Variants in HMOX2 observed in about 807,000 individuals in gnomAD.
The protein encoded by HMOX2 is heme oxygenase 2.
A neutral mutation model predicts 33.7 loss-of-function variants in HMOX2; 30 were observed. The ratio of observed to expected loss-of-function variants is 0.89; its 90% CI spans 0.67 to 1.21. The LOEUF is 1.21. HMOX2 is among the 50% of genes most tolerant of loss of function. The pLI is 0.00. For missense variants in HMOX2, 403 were observed against 399.1 expected (o/e 1.01, Z -0.08); for synonymous variants, 155 against 155.0 (o/e 1.00, Z 0.00).
Position 4,505,571 on chromosome 16 carries a change from AAAAG to A in HMOX2, c.50_53del (p.Lys17ThrfsTer5). 6.2e-7 allele frequency: 1 copy of A among 1,605,296 alleles called. No homozygotes were observed. The highest frequency in any genetic ancestry group is 8.5e-7 in the Non-Finnish European group (1 of 1,175,390). ...TCAGAGGGGGTAGACGAGTCAGAAA[AAAAG>A]AACTCTGGGGCCCTAGAAAAGGAGA... On this transcript the variant is annotated frameshift_variant, in exon 2 of 6. Transcript: ENST00000570646. LOFTEE classifies it high-confidence loss of function.
chr16:4,484,045 G>C (rs1056813739), intron 1 of HMOX2, among the ~76,000 whole-genome samples: 1 of 148,858 alleles, frequency 6.7e-6, no homozygotes. Context: ...TGCGATCTCG[G>C]CTCACTGCAG....
At chr16:4,505,200 T>C (rs1248478253) in intron 1 of HMOX2, among the ~76,000 whole-genome samples, 1 of 152,214 alleles carries the variant, frequency 6.6e-6, no homozygotes, top group Admixed American at 6.5e-5. Flanking sequence ...GTGTATTTCT[T>C]AGGAACAAAG....
At chr16:4,495,379 A>C (rs2141571944) in intron 1 of HMOX2, 1 of 152,306 alleles carries the variant, frequency 6.6e-6, no homozygotes, top group East Asian at 1.9e-4. Context: ...GTTCTGTCCC[A>C]CCATAGGCAC....
intron 1 of HMOX2, among the ~76,000 whole-genome samples, chr16:4,489,451 GTTTTA>G (rs1467405234): frequency 2.6e-5 from 4 of 151,922 alleles, no homozygotes; most frequent in Non-Finnish European, 5.9e-5. Context: ...CATCCAGCTA[GTTTTA>G]TTTTATTTTT....
intron 1 of HMOX2, among the ~76,000 whole-genome samples, chr16:4,497,639 G>T (rs1468250115): frequency 6.6e-6 from 1 of 152,156 alleles, no homozygotes; most frequent in Admixed American, 6.5e-5. Flanking sequence ...CTTGGTGTCT[G>T]TCTTCACTGC....
intron 1 of HMOX2, among the ~76,000 whole-genome samples, chr16:4,492,986 T>C (rs550608310): frequency 6.6e-6 from 1 of 152,094 alleles, no homozygotes; most frequent in African/African-American, 2.4e-5. Flanking sequence ...AAAGGAAATA[T>C]TAGGGGACAT....
At position 4,486,989 on chromosome 16, in the gene HMOX2, G is replaced by T. The variant is rs540793728; in HGVS notation, c.-42+10502G>T. ...GAAAAAGGGCTTGAGGCTGGGCGTG[G>T]TGGCCCACGCCTGTAATCCCAGTAC... On this transcript the variant is annotated intron_variant, in intron 1 of 5. Coordinates refer to ENST00000570646, the MANE Select transcript of HMOX2 (RefSeq NM_002134.4). Among the ~76,000 whole-genome samples, 10 of 152,320 alleles carry T rather than the reference G, an allele frequency of 6.6e-5. No individual in the cohort carries two copies. In the East Asian group the frequency reaches 1.7e-3, roughly 26 times the overall value.
intron 1 of HMOX2, chr16:4,496,379 C>T (rs567063222): frequency 6.6e-6 from 1 of 152,128 alleles, no homozygotes; most frequent in Non-Finnish European, 1.5e-5. Flanking sequence ...CCGCCTCGGC[C>T]TCCCAAAGAG....
At chr16:4,509,269 G>GT in intron 4 of HMOX2, 143 bp from the exon 5 acceptor site, 1 of 1,054,256 alleles carries the variant, frequency 9.5e-7, no homozygotes, top group Non-Finnish European at 1.4e-6. Context: ...GAGCCTAGGA[G>GT]TTTGAGGCTG....
intron 1 of HMOX2, among the ~76,000 whole-genome samples, chr16:4,494,511 T>C (rs1486091060): frequency 6.6e-6 from 1 of 152,070 alleles, no homozygotes; most frequent in Non-Finnish European, 1.5e-5. Context: ...TTTCTGCTCT[T>C]TAAGTGTGGT....
At chr16:4,502,649 G>C (rs898365227) in intron 1 of HMOX2, 1 of 152,226 alleles carries the variant, frequency 6.6e-6, no homozygotes, top group African/African-American at 2.4e-5. Context: ...GAACTGAGCA[G>C]CCAGAGACAA....
intron 4 of HMOX2, 66 bp downstream of exon 4, chr16:4,508,270 T>C (rs761521776): frequency 2.6e-5 from 39 of 1,510,932 alleles, no homozygotes; most frequent in Admixed American, 1.2e-4. Context: ...AGCAGATCCA[T>C]AGTGGCCCAT....
chr16:4,492,538 T>C (rs564982569), intron 1 of HMOX2, among the ~76,000 whole-genome samples: 2 of 150,968 alleles, frequency 1.3e-5, no homozygotes, highest in Admixed American at 1.3e-4. Context: ...GCGAACATGC[T>C]GAAACCCCAT....
chr16:4,505,797 T>TCTCTCCC (rs1353982353), intron 2 of HMOX2, among the ~76,000 whole-genome samples, 187 bp downstream of exon 2: 1 of 152,212 alleles, frequency 6.6e-6, no homozygotes, highest in Non-Finnish European at 1.5e-5. Flanking sequence ...TCCCCACTGG[T>TCTCTCCC]CCATTGTCTC....
In HMOX2 at chr16:4,509,769, G is replaced by A; in HGVS notation, c.*13G>A. ...GTACTACATGTGAAGCACCCATCAT[G>A]CCACACCGGTACCCTCCTCCCGACT... On this transcript the variant is annotated 3_prime_UTR_variant, in exon 6 of 6. Transcript: ENST00000570646. 3.1e-6 allele frequency: 5 copies of A among 1,609,802 alleles called. No homozygotes were observed. The highest frequency in any genetic ancestry group is 4.2e-6 in the Non-Finnish European group (5 of 1,178,384).
intron 1 of HMOX2, among the ~76,000 whole-genome samples, chr16:4,489,061 T>TACCATA (rs2058244410): frequency 6.6e-6 from 1 of 151,972 alleles, no homozygotes; most frequent in Non-Finnish European, 1.5e-5. Context: ...TTTCTTTATA[T>TACCATA]AAGGAGGGGG....
At chr16:4,487,915 C>T (rs1192872982) in intron 1 of HMOX2, among the ~76,000 whole-genome samples, 1 of 143,974 alleles carries the variant, frequency 6.9e-6, no homozygotes, top group Non-Finnish European at 1.5e-5. Flanking sequence ...CACGCCATTG[C>T]ATGCCAGCCT....
intron 1 of HMOX2, among the ~76,000 whole-genome samples, chr16:4,498,963 A>G (rs569443508): frequency 2.0e-5 from 3 of 152,208 alleles, no homozygotes; most frequent in Admixed American, 1.3e-4. Context: ...GGCTCAGCCA[A>G]TCTCCAGTGG....
chr16:4,491,662 T>C (rs1230863874), intron 1 of HMOX2, among the ~76,000 whole-genome samples: 1 of 151,776 alleles, frequency 6.6e-6, no homozygotes, highest in Non-Finnish European at 1.5e-5. Context: ...AAAAAATATA[T>C]ATATTTTGCT....
Sources: gnomAD v4.1 joint callset for allele counts (sites outside exome capture counted in the v4.1 genomes callset) on GRCh38, gnomAD v4.1.1 for gene constraint, MANE v1.5 for transcripts, NCBI Gene and HGNC (gene_info 2026-07-23, HGNC 2026-07-21) for gene names.